XKR9: variants seen among roughly 807,000 people sequenced by gnomAD.
The protein encoded by XKR9 is XK-related protein 9.
A neutral mutation model predicts 32.0 loss-of-function variants in XKR9; 32 were observed. That is an observed-to-expected ratio of 1.00 (90% CI 0.76 to 1.34). The LOEUF is 1.34. Among genes scored for constraint, XKR9 ranks in the 40% most tolerant of loss-of-function variants. The pLI is 0.00. For synonymous variants in XKR9, 168 were observed against 143.4 expected (o/e 1.17, Z -1.22); for missense variants, 546 against 429.7 (o/e 1.27, Z -2.39).
the XKR9 span, among the ~76,000 whole-genome samples, chr8:70,981,024 T>G: frequency 6.6e-6 from 1 of 152,186 alleles, no homozygotes; most frequent in Admixed American, 6.5e-5. Context: ...ATCTGATAGG[T>G]TTTCCTTTAT....
intron 2 of XKR9, among the ~76,000 whole-genome samples, chr8:70,762,696 A>G (rs897662722): frequency 2.0e-5 from 3 of 152,172 alleles, no homozygotes; most frequent in South Asian, 4.1e-4. Context: ...TCAGCTGTTC[A>G]TGTCAACAAA....
At chr8:71,008,773 G>A in the XKR9 span, among the ~76,000 whole-genome samples, 2 of 151,922 alleles carry the variant, frequency 1.3e-5, no homozygotes, top group Non-Finnish European at 2.9e-5. Context: ...ACTACACCAA[G>A]TACTTCCTCC....
chr8:70,715,023 A>C (rs1297566500), intron 4 of XKR9, among the ~76,000 whole-genome samples: 1 of 152,166 alleles, frequency 6.6e-6, no homozygotes, highest in African/African-American at 2.4e-5. Flanking sequence ...CAGGTAGGAA[A>C]GTGGGAAATT....
At chr8:70,843,608 A>C in the XKR9 span, among the ~76,000 whole-genome samples, 1 of 152,188 alleles carries the variant, frequency 6.6e-6, no homozygotes, top group African/African-American at 2.4e-5. Context: ...AAGAGGAGGA[A>C]AGCAAAGCAA....
chr8:70,803,870 C>G, the XKR9 span, among the ~76,000 whole-genome samples: 1 of 152,338 alleles, frequency 6.6e-6, no homozygotes. Context: ...GGGGTTGTGC[C>G]TGACTGCAGA....
intron 2 of XKR9, among the ~76,000 whole-genome samples, chr8:70,781,384 C>T (rs1051561119): frequency 5.3e-5 from 8 of 151,720 alleles, no homozygotes; most frequent in Non-Finnish European, 1.0e-4. Context: ...TTTTTACTTT[C>T]TTTTTTTCCT....
the XKR9 span, among the ~76,000 whole-genome samples, chr8:70,947,247 G>A: frequency 6.6e-6 from 1 of 152,172 alleles, no homozygotes; most frequent in African/African-American, 2.4e-5. Flanking sequence ...AATAAGCGAT[G>A]ATTTTAGAGG....
At chr8:70,897,132 T>G in the XKR9 span, among the ~76,000 whole-genome samples, 1 of 152,252 alleles carries the variant, frequency 6.6e-6, no homozygotes, top group African/African-American at 2.4e-5. Flanking sequence ...TGAGAACATG[T>G]GATGTTTGTC....
chr8:70,850,451 A>G, the XKR9 span, among the ~76,000 whole-genome samples: 2 of 140,428 alleles, frequency 1.4e-5, no homozygotes, highest in African/African-American at 5.2e-5. Flanking sequence ...GTGACACAGC[A>G]AGACTCCTTC....
chr8:70,848,053 T>G, the XKR9 span, among the ~76,000 whole-genome samples: 1 of 152,048 alleles, frequency 6.6e-6, no homozygotes, highest in Non-Finnish European at 1.5e-5. Context: ...TGAAATTAGA[T>G]GCAAAAATTC....
At chr8:70,809,714 T>A in the XKR9 span, among the ~76,000 whole-genome samples, 68 of 152,008 alleles carry the variant, frequency 4.5e-4, no homozygotes, top group South Asian at 8.3e-4. Context: ...ATCAAATGAA[T>A]GAAATGAAGT....
At chr8:70,755,114 T>A (rs984454108) in intron 2 of XKR9, among the ~76,000 whole-genome samples, 1 of 152,176 alleles carries the variant, frequency 6.6e-6, no homozygotes, top group Non-Finnish European at 1.5e-5. Context: ...GAACAGACAC[T>A]TCTCAAAAGA....
chr8:70,685,459 A>G (rs1819234128), intron 3 of XKR9, among the ~76,000 whole-genome samples: 1 of 148,220 alleles, frequency 6.7e-6, no homozygotes, highest in Non-Finnish European at 1.5e-5. Flanking sequence ...ACTAACCTGC[A>G]CATTGCACAC....
At chr8:71,048,208 C>T in the XKR9 span, among the ~76,000 whole-genome samples, 1 of 152,184 alleles carries the variant, frequency 6.6e-6, no homozygotes, top group Non-Finnish European at 1.5e-5. Flanking sequence ...TGCTGTTTGA[C>T]TTTTCTTTTT....
chr8:70,940,472 T>TTATATATATA, the XKR9 span, among the ~76,000 whole-genome samples: 1 of 152,136 alleles, frequency 6.6e-6, no homozygotes, highest in Non-Finnish European at 1.5e-5. Context: ...TTCTCTGAGC[T>TTATATATATA]TATATAATCT....
At chr8:70,849,959 A>G in the XKR9 span, among the ~76,000 whole-genome samples, 1 of 149,330 alleles carries the variant, frequency 6.7e-6, no homozygotes, top group Admixed American at 6.7e-5. Flanking sequence ...CAAGTTCTGA[A>G]ATTGAAGCAG....
chr8:70,838,924 G>T, the XKR9 span, among the ~76,000 whole-genome samples: 1 of 149,788 alleles, frequency 6.7e-6, no homozygotes, highest in East Asian at 1.9e-4. Context: ...CCTGTCTCTA[G>T]ACTAAATAAT....
the XKR9 span, among the ~76,000 whole-genome samples, chr8:71,001,385 C>T: frequency 6.6e-6 from 1 of 152,118 alleles, no homozygotes; most frequent in Non-Finnish European, 1.5e-5. Context: ...CCTCAGCCTC[C>T]GGAATAGCTG....
chr8:70,805,295 C>T, the XKR9 span, among the ~76,000 whole-genome samples: 5 of 152,236 alleles, frequency 3.3e-5, no homozygotes, highest in Admixed American at 2.0e-4. Flanking sequence ...AGATCACACT[C>T]GTGTACCCAC....
Sources: allele counts gnomAD v4.1 joint callset (sites outside exome capture counted in the v4.1 genomes callset), GRCh38; gene constraint gnomAD v4.1.1; transcripts MANE v1.5; gene names NCBI Gene and HGNC (gene_info 2026-07-23, HGNC 2026-07-21).